FPGT: variants seen among roughly 807,000 people sequenced by gnomAD.
FPGT encodes GDP-L-fucose diphosphorylase.
In FPGT, 41 loss-of-function variants were observed where a neutral mutation model predicts 45.8. That is an observed-to-expected ratio of 0.90 (90% confidence interval 0.70 to 1.16). The LOEUF is 1.16. FPGT is among the 50% of genes most tolerant of loss of function. FPGT has a pLI of 0.00. For missense variants in FPGT, 755 were observed against 689.1 expected, an observed-to-expected ratio of 1.10 and a Z score of -1.07; for synonymous variants, 292 against 247.2, an observed-to-expected ratio of 1.18 and a Z score of -1.70.
At chr1:74,204,324 C>A in intron 3 of FPGT, 67 bp from the exon 4 acceptor site, 2 of 1,172,580 alleles carry the variant, frequency 1.7e-6, no homozygotes, top group Admixed American at 2.5e-5. Flanking sequence ...TTATAAAACC[C>A]TGGGGTTTTG....
At chr1:74,198,784 G>C (rs1651472558) in intron 1 of FPGT, among the ~76,000 whole-genome samples, 1 of 151,596 alleles carries the variant, frequency 6.6e-6, no homozygotes, top group Non-Finnish European at 1.5e-5. Context: ...TTTGTTGAGG[G>C]AGTAACAGAA....
In FPGT at chr1:74,205,386, C is replaced by T; in HGVS notation, c.1339C>T (p.Leu447Phe). ...TTCTTACATCCTAACAAAAGCTGCC[C>T]TCCCCGCACATTCTTTTGTATGTTC... ...SGSYILTKAA[L>F]PAHSFVCSLS... The change falls in exon 4 of 4, where the codon CTC becomes TTC. Residue 447 changes from leucine to phenylalanine, a missense_variant. Leu to Phe is a conservative substitution (Grantham distance 22). Transcript: ENST00000370898. 1 of 1,613,872 alleles carries T rather than the reference C, an allele frequency of 6.2e-7. No homozygotes were observed. Among genetic ancestry groups the T allele is most frequent in the Admixed American group, 1.7e-5 (1 of 60,016 alleles).
In FPGT at chr1:74,198,305, A is replaced by T. The variant is rs748393876; in HGVS notation, c.27A>T (p.Glu9Asp). 6.2e-7 allele frequency: 1 copy of T among 1,614,052 alleles called. No homozygotes were observed. Among genetic ancestry groups the T allele is most frequent in the Non-Finnish European group, 8.5e-7 (1 of 1,180,036 alleles). The change falls in exon 1 of 4, where the codon GAA (glutamate) becomes GAT (aspartate). Residue 9 changes from glutamate (E) to aspartate (D), a missense_variant. Glu to Asp is a conservative substitution (Grantham distance 45). Coordinates refer to ENST00000370898, the MANE Select transcript of FPGT (RefSeq NM_003838.5). The stretch of plus-strand genomic sequence containing the variant: ...TGGCAGCTGCTAGGGACCCTCCGGA[A>T]GTATCGCTGCGAGAAGCCACCCAGC... MAAARDPP[E>D]VSLREATQRK...
chr1:74,201,277 T>G (rs752756466), intron 2 of FPGT, 41 bp from the exon 3 acceptor site: 3 of 1,530,138 alleles, frequency 2.0e-6, no homozygotes, highest in Non-Finnish European at 2.7e-6. Context: ...TTTAGTAGGT[T>G]TCTATTAAAT....
intron 1 of FPGT, 52 bp from the exon 2 acceptor site, chr1:74,199,612 A>C (rs375572507): frequency 1.3e-6 from 2 of 1,579,670 alleles, no homozygotes; most frequent in African/African-American, 2.7e-5. Flanking sequence ...ACCTGTGGCA[A>C]CTAGAAAATT....
intron 3 of FPGT, among the ~76,000 whole-genome samples, chr1:74,202,745 C>A (rs1169417961): frequency 1.3e-5 from 2 of 152,084 alleles, no homozygotes; most frequent in Non-Finnish European, 2.9e-5. Context: ...TAATAACATT[C>A]AGCTTAAAAC....
intron 2 of FPGT, 67 bp from the exon 3 acceptor site, chr1:74,201,251 A>C: frequency 7.6e-7 from 1 of 1,320,114 alleles, no homozygotes; most frequent in Non-Finnish European, 1.1e-6. Flanking sequence ...ACCTAAATTT[A>C]CTGTCATGAC....
At position 74,205,595 on chromosome 1, in the gene FPGT, C is replaced by A. The variant is rs1303559850; in HGVS notation, c.1548C>A (p.Asn516Lys). ...LKVTEELFSGNKTCLSLWTAR... is the reference protein window; with the variant it reads ...LKVTEELFSGKKTCLSLWTAR... ...TTACAGAGGAACTGTTCTCTGGTAA[C>A]AAGACATGTCTGAGTTTGTGGACTG... is the stretch of plus-strand genomic sequence containing the variant. The change falls in exon 4 of 4, where the codon AAC becomes AAA. Residue 516 changes from asparagine to lysine, a missense_variant. By Grantham distance (94) the Asn-to-Lys change is moderately conservative. Coordinates refer to ENST00000370898, the MANE Select transcript of FPGT (RefSeq NM_003838.5). 1 of 1,613,422 alleles carries A rather than the reference C, an allele frequency of 6.2e-7. No homozygotes were observed. The highest frequency in any genetic ancestry group is 8.5e-7 in the Non-Finnish European group (1 of 1,179,418).
intron 3 of FPGT, 120 bp downstream of exon 3, chr1:74,201,530 T>C (rs1557670980): frequency 3.1e-6 from 2 of 649,432 alleles, no homozygotes; most frequent in Non-Finnish European, 2.4e-6. Context: ...TTGAAGTTAT[T>C]CTGCTTTGAA....
Sources: allele counts gnomAD v4.1 joint callset (sites outside exome capture counted in the v4.1 genomes callset), GRCh38; gene constraint gnomAD v4.1.1; transcripts MANE v1.5; gene names NCBI Gene and HGNC (gene_info 2026-07-23, HGNC 2026-07-21).